SYT10: variants seen among roughly 807,000 people sequenced by gnomAD.
SYT10 encodes the protein synaptotagmin 10.
A neutral mutation model predicts 51.1 loss-of-function variants in SYT10; 31 were observed. That is an observed-to-expected ratio of 0.61 (90% CI 0.46 to 0.82). The LOEUF (loss-of-function observed/expected upper bound fraction) is 0.82. Among genes scored for constraint, SYT10 ranks in the 40% least tolerant of loss-of-function variants. SYT10 has a pLI of 0.00. For synonymous variants in SYT10, 233 were observed against 225.9 expected, an observed-to-expected ratio of 1.03 and a Z score of -0.28; for missense variants, 603 against 634.0, an observed-to-expected ratio of 0.95 and a Z score of 0.53.
intron 2 of SYT10, 96 bp downstream of exon 2, chr12:33,426,041 GT>G (rs2138432383): frequency 7.8e-7 from 1 of 1,289,074 alleles, no homozygotes; most frequent in East Asian, 2.4e-5. Flanking sequence ...CCCAACTAAA[GT>G]TTTTCTCTCT....
Position 33,406,805 on chromosome 12 carries a change from A to C in SYT10, c.1061T>G (p.Ile354Ser), listed in dbSNP as rs746724273. 1 of 1,610,258 alleles carries C rather than the reference A, an allele frequency of 6.2e-7. No homozygotes were observed. Among genetic ancestry groups the C allele is most frequent in the South Asian group, 1.1e-5 (1 of 90,336 alleles). Residue 354 changes from isoleucine (I) to serine (S), a missense_variant, in exon 3 of 7, where the codon ATT (isoleucine) becomes AGT (serine). Coordinates refer to ENST00000228567, the MANE Select transcript of SYT10 (RefSeq NM_198992.4). ...ACTACTTACTGTGGTAGCACAGTGA[A>C]TATCTTTCCATACTGTGGCTTCCCT... ...LSREATVWKD[I>S]HCATTESIDL...
chr12:33,379,668 TGAATA>T (rs1866096967), intron 6 of SYT10, among the ~76,000 whole-genome samples, 159 bp downstream of exon 6: 1 of 151,534 alleles, frequency 6.6e-6, no homozygotes, highest in Non-Finnish European at 1.5e-5. Flanking sequence ...CACAGAACTT[TGAATA>T]TTAAATGTTA....
At chr12:33,410,093 A>T (rs1447622412) in intron 2 of SYT10, among the ~76,000 whole-genome samples, 1 of 152,198 alleles carries the variant, frequency 6.6e-6, no homozygotes, top group Non-Finnish European at 1.5e-5. Flanking sequence ...CTCACATAAG[A>T]TTTTGGCAAG....
rs1481439815 is a variant in SYT10 at position 33,385,203 on chromosome 12, T to C, written c.1166A>G (p.Asn389Ser). The C allele has an allele frequency of 1.9e-6, 3 of 1,613,762 alleles. No individual in the cohort carries two copies. The highest frequency in any genetic ancestry group is 2.5e-6 in the Non-Finnish European group (3 of 1,179,762). ...GCCAGTAATATCCATCGCCTTCAGA[T>C]TTCTGCACTTAATGACTGTCAATGT... Reference protein sequence around the residue: ...RMTLTVIKCRNLKAMDITGSS... With the variant: ...RMTLTVIKCRSLKAMDITGSS... Residue 389 changes from asparagine to serine, a missense_variant, in exon 4 of 7, where the codon AAT (asparagine) becomes AGT (serine). Asn to Ser is a conservative substitution (Grantham distance 46). Coordinates refer to ENST00000228567, the MANE Select transcript of SYT10 (RefSeq NM_198992.4).
chr12:33,424,410 C>T (rs1311997152), intron 2 of SYT10, among the ~76,000 whole-genome samples: 1 of 152,064 alleles, frequency 6.6e-6, no homozygotes, highest in African/African-American at 2.4e-5. Context: ...TTGAATGATT[C>T]TGAATGCTAA....
intron 2 of SYT10, among the ~76,000 whole-genome samples, chr12:33,424,277 A>C (rs1304776651): frequency 6.6e-6 from 1 of 152,130 alleles, no homozygotes; most frequent in African/African-American, 2.4e-5. Flanking sequence ...AGTGGTCTCT[A>C]TACTCAACAG....
chr12:33,426,512 G>A lies in SYT10; in HGVS notation c.152-17C>T. ...CTGAAATATCTGGAAAAATTACAATGTAAAAATGATTAATTAATATTGTAC... is the reference window on the plus strand; with the variant it reads ...CTGAAATATCTGGAAAAATTACAATATAAAAATGATTAATTAATATTGTAC... On this transcript the variant is annotated splice_polypyrimidine_tract_variant and intron_variant, in intron 1 of 6. Coordinates refer to ENST00000228567, the MANE Select transcript of SYT10 (RefSeq NM_198992.4). The A allele has an allele frequency of 6.6e-7, 1 of 1,524,088 alleles. No homozygotes were observed. The highest frequency in any genetic ancestry group is 8.8e-7 in the Non-Finnish European group (1 of 1,135,068). The allele number at this position is 1,524,088 out of a possible 1,614,324, so 94.4% of individuals were successfully genotyped here. A position where few individuals can be genotyped will look rare whatever the true frequency, so the allele number is the denominator to read the frequency against.
chr12:33,431,913 A>G (rs1866599698), intron 1 of SYT10, among the ~76,000 whole-genome samples: 2 of 152,060 alleles, frequency 1.3e-5, no homozygotes, highest in Non-Finnish European at 2.9e-5. Flanking sequence ...CTTGGCCTGT[A>G]TATCTTTTAT....
chr12:33,423,882 T>G, intron 2 of SYT10: 1 of 451,072 alleles, frequency 2.2e-6, no homozygotes, highest in Non-Finnish European at 4.4e-6. Context: ...TTAACTCACA[T>G]GTCATGGGGA....
chr12:33,407,336 T>C lies in SYT10; in HGVS notation c.530A>G (p.His177Arg), dbSNP rs1367717401. 3 of 1,605,598 alleles carry C rather than the reference T, an allele frequency of 1.9e-6. No homozygotes were observed. The African/African-American group carries it at 4.0e-5, about 21-fold the overall frequency. ...SSTRHSSFRR[H>R]LPRQMQVSSV... ...GGAAACCTGCATTTGCCTCGGCAGG[T>C]GTCTTCGGAAGGAACTGTGGCTGAA... Residue 177 changes from histidine (H) to arginine (R), a missense_variant, in exon 3 of 7, where the codon CAC becomes CGC. Coordinates refer to ENST00000228567, the MANE Select transcript of SYT10 (RefSeq NM_198992.4).
Position 33,379,936 on chromosome 12 carries a change from C to T in SYT10, c.1396G>A (p.Val466Met). The T allele has an allele frequency of 1.9e-6, 3 of 1,613,604 alleles. No individual in the cohort carries two copies. The highest frequency in any genetic ancestry group is 1.7e-6 in the Non-Finnish European group (2 of 1,179,682). ...TCAGCATCCAGTCCTGTTCTGCACA[C>T]TCCTATGACCTCATTGTGTCCTACC... is the stretch of plus-strand genomic sequence containing the variant. ...DRVGHNEVIGVCRTGLDAEGL... is the reference protein window; with the variant it reads ...DRVGHNEVIGMCRTGLDAEGL... Residue 466 changes from valine to methionine, a missense_variant, in exon 6 of 7, where the codon GTG becomes ATG. Coordinates refer to ENST00000228567, the MANE Select transcript of SYT10 (RefSeq NM_198992.4).
At chr12:33,417,804 G>A (rs1565497583) in intron 2 of SYT10, among the ~76,000 whole-genome samples, 1 of 151,538 alleles carries the variant, frequency 6.6e-6, no homozygotes, top group Non-Finnish European at 1.5e-5. Context: ...AATTGAGGGT[G>A]TACACAAGAG....
intron 6 of SYT10, 94 bp from the exon 7 acceptor site, chr12:33,376,995 T>C: frequency 7.8e-7 from 1 of 1,279,160 alleles, no homozygotes; most frequent in Non-Finnish European, 1.1e-6. Flanking sequence ...TATTCAACCA[T>C]AATATGCGAA....
intron 3 of SYT10, among the ~76,000 whole-genome samples, chr12:33,403,703 C>A (rs1342699281): frequency 6.6e-6 from 1 of 152,090 alleles, no homozygotes; most frequent in African/African-American, 2.4e-5. Flanking sequence ...TTCTAGAAGA[C>A]TCAATAATTT....
chr12:33,398,461 C>T (rs949414746), intron 3 of SYT10, among the ~76,000 whole-genome samples: 9 of 151,916 alleles, frequency 5.9e-5, no homozygotes, highest in Admixed American at 3.3e-4. Context: ...TGCAACGAGC[C>T]GAGATCATGC....
At chr12:33,434,833 A>C (rs1423461156) in intron 1 of SYT10, among the ~76,000 whole-genome samples, 1 of 152,150 alleles carries the variant, frequency 6.6e-6, no homozygotes, top group African/African-American at 2.4e-5. Flanking sequence ...ATAGTAAATA[A>C]ATAAAGTAGC....
At chr12:33,379,483 G>A (rs1328162619) in intron 6 of SYT10, among the ~76,000 whole-genome samples, 1 of 124,496 alleles carries the variant, frequency 8.0e-6, no homozygotes, top group Non-Finnish European at 1.6e-5. Flanking sequence ...CAAAAATGCA[G>A]TTTCCAGTTA....
intron 3 of SYT10, among the ~76,000 whole-genome samples, chr12:33,389,641 G>GA (rs201145492): frequency 0.016 from 2,356 of 150,574 alleles, 28 homozygotes; most frequent in South Asian, 0.023. Context: ...AACACGTATT[G>GA]AAAAAAAAAC....
intron 2 of SYT10, among the ~76,000 whole-genome samples, chr12:33,410,089 T>C (rs753498711): frequency 2.0e-4 from 31 of 152,188 alleles, no homozygotes; most frequent in Non-Finnish European, 3.5e-4. Flanking sequence ...CTGCCTCACA[T>C]AAGATTTTGG....
Sources: gnomAD v4.1 joint callset for allele counts (sites outside exome capture counted in the v4.1 genomes callset) on GRCh38, gnomAD v4.1.1 for gene constraint, MANE v1.5 for transcripts, NCBI Gene and HGNC (gene_info 2026-07-23, HGNC 2026-07-21) for gene names.